Variants in MACROH2A2 observed in about 807,000 individuals in gnomAD.
The protein encoded by MACROH2A2 is core histone macro-H2A.2.
In MACROH2A2, 6 loss-of-function variants were observed where a neutral mutation model predicts 37.6. The ratio of observed to expected loss-of-function variants is 0.16; its 90% confidence interval spans 0.09 to 0.32. The LOEUF is 0.32. Ranked by LOEUF, MACROH2A2 falls within the 10% of genes least tolerant of loss-of-function variation. The probability of loss-of-function intolerance (pLI) is 1.00; values close to 1 mark genes in which losing one functional copy is unlikely to be tolerated. For missense variants in MACROH2A2, 290 were observed against 485.9 expected, an observed-to-expected ratio of 0.60 and a Z score of 3.79; for synonymous variants, 192 against 202.7, an observed-to-expected ratio of 0.95 and a Z score of 0.45.
chr10:70,083,946 G>A (rs375603962), intron 2 of MACROH2A2, among the ~76,000 whole-genome samples: 8 of 151,784 alleles, frequency 5.3e-5, no homozygotes, highest in East Asian at 3.9e-4. Context: ...CTGCAGTAGC[G>A]TTTTGTATGT....
At position 70,107,101 on chromosome 10, in the gene MACROH2A2, G is replaced by A. The variant is rs187895734; in HGVS notation, c.779-1932G>A. Among the ~76,000 whole-genome samples the A allele has an allele frequency of 1.6e-4, 24 of 152,294 alleles. No individual in the cohort carries two copies. The highest frequency in any genetic ancestry group is 5.8e-4 in the African/African-American group (24 of 41,566). On this transcript the variant is annotated intron_variant, in intron 7 of 8. Transcript: ENST00000373255. This position sits in a 1 kb window ranked among gnomAD's most constrained non-coding sequence, Gnocchi z 4.4. The stretch of plus-strand genomic sequence containing the variant: ...CGTGGTCGTAGAGTCAGCACGCATG[G>A]CGGGCCCCTACCCAGGGCCTCGGTG...
At chr10:70,059,171 T>A (rs764821355) in intron 1 of MACROH2A2, among the ~76,000 whole-genome samples, 1 of 151,554 alleles carries the variant, frequency 6.6e-6, no homozygotes, top group Admixed American at 6.6e-5. Context: ...TCAGAGGGAG[T>A]CTGTTTTGAG....
chr10:70,103,081 C>T (rs535581893), intron 7 of MACROH2A2, among the ~76,000 whole-genome samples: 106 of 152,288 alleles, frequency 7.0e-4, no homozygotes, highest in Non-Finnish European at 1.3e-3. Context: ...CCAAAGCTCT[C>T]GCCACCACCC....
At chr10:70,086,617 T>C (rs186657073) in intron 2 of MACROH2A2, among the ~76,000 whole-genome samples, 11 of 152,352 alleles carry the variant, frequency 7.2e-5, no homozygotes, top group African/African-American at 2.4e-4. Context: ...TGCTGACAGT[T>C]AATTTGATGA....
At chr10:70,084,722 C>T (rs1218061514) in intron 2 of MACROH2A2, among the ~76,000 whole-genome samples, 2 of 152,060 alleles carry the variant, frequency 1.3e-5, no homozygotes, top group African/African-American at 4.8e-5. Context: ...CTGCCTTAGC[C>T]CCCTAAGTAG....
Position 70,107,842 on chromosome 10 carries a change from GC to G in MACROH2A2, c.779-1187del, listed in dbSNP as rs1468084280. ...AGGTCCTAAAATCACATAAGCATAA[GC>G]CCCTGCACCAGACCTACTGAGTCAG... is the stretch of plus-strand genomic sequence containing the variant. On this transcript the variant is annotated intron_variant, in intron 7 of 8. Transcript: ENST00000373255. The surrounding 1 kb of genome is among the most constrained non-coding windows in gnomAD (Gnocchi z 4.4). 3.3e-5 allele frequency among the ~76,000 whole-genome samples: 5 copies of G among 152,076 alleles called. No individual in the cohort carries two copies. The highest frequency in any genetic ancestry group is 7.2e-5 in the African/African-American group (3 of 41,408).
chr10:70,090,080 G>A lies in MACROH2A2; in HGVS notation c.193G>A (p.Gly65Ser), dbSNP rs755780562. 1.9e-6 allele frequency: 3 copies of A among 1,613,318 alleles called. No individual in the cohort carries two copies. The highest frequency in any genetic ancestry group is 2.5e-6 in the Non-Finnish European group (3 of 1,179,260). ...YLAAEILELAGNAARDNKKAR... is the reference protein window; with the variant it reads ...YLAAEILELASNAARDNKKAR... ...TTCAGCGGAAATTCTAGAATTGGCC[G>A]GCAATGCCGCGAGGGACAACAAGAA... The change falls in exon 3 of 9, where the codon GGC (glycine) becomes AGC (serine). Residue 65 changes from glycine to serine, a missense_variant. Coordinates refer to ENST00000373255, the MANE Select transcript of MACROH2A2 (RefSeq NM_018649.3).
At chr10:70,087,700 C>T (rs1564544885) in intron 2 of MACROH2A2, among the ~76,000 whole-genome samples, 1 of 152,208 alleles carries the variant, frequency 6.6e-6, no homozygotes, top group Non-Finnish European at 1.5e-5. Flanking sequence ...ACTGTCCCGA[C>T]ACGCATGCTC....
chr10:70,056,679 G>A (rs187757978), intron 1 of MACROH2A2, among the ~76,000 whole-genome samples: 89 of 152,246 alleles, frequency 5.8e-4, no homozygotes, highest in African/African-American at 2.1e-3. Context: ...GTAAGGGAGC[G>A]AGGCAGGTGG....
In MACROH2A2 at chr10:70,109,237, T is replaced by G. The variant is rs776727479; in HGVS notation, c.953+30T>G. 12 of 1,587,812 alleles carry G rather than the reference T, an allele frequency of 7.6e-6. No individual in the cohort carries two copies. In the South Asian group the frequency reaches 1.1e-4, roughly 15 times the overall value. On this transcript the variant is annotated intron_variant, in intron 8 of 8. Transcript: ENST00000373255. Reference sequence around the variant, plus strand: ...GATGCAGTTCCCCTGAGTTGATTCCTCCGGCTTTTTCCCTGGAAATCAGCT... The same window carrying G: ...GATGCAGTTCCCCTGAGTTGATTCCGCCGGCTTTTTCCCTGGAAATCAGCT...
chr10:70,072,957 A>AAAC (rs371177662), intron 1 of MACROH2A2, among the ~76,000 whole-genome samples: 1,802 of 152,098 alleles, frequency 0.012, 25 homozygotes, highest in African/African-American at 0.04. Flanking sequence ...ACTCCTTCCC[A>AAAC]AACAACAACA....
Position 70,075,486 on chromosome 10 carries a change from C to A in MACROH2A2, c.-59-114C>A. Reference sequence around the variant, plus strand: ...TGCACCTGCAGTAGCAGCCAGATTTCAGCTGCCTCCCCAGGGCAGTCAGAG... The same window carrying A: ...TGCACCTGCAGTAGCAGCCAGATTTAAGCTGCCTCCCCAGGGCAGTCAGAG... On this transcript the variant is annotated intron_variant, in intron 1 of 8. Coordinates refer to ENST00000373255, the MANE Select transcript of MACROH2A2 (RefSeq NM_018649.3). This position sits in a 1 kb window ranked among gnomAD's most constrained non-coding sequence, Gnocchi z 5.0. The A allele has an allele frequency of 1.6e-6, 1 of 627,250 alleles. No homozygotes were observed. The highest frequency in any genetic ancestry group is 2.8e-6 in the Non-Finnish European group (1 of 357,030). The allele number at this position is 627,250 out of a possible 1,614,324, so 38.9% of individuals were successfully genotyped here. A position where few individuals can be genotyped will look rare whatever the true frequency, so the allele number is the denominator to read the frequency against.
Position 70,090,071 on chromosome 10 carries a change from G to T in MACROH2A2, c.184G>T (p.Glu62Ter). The change falls in exon 3 of 9, where the codon GAA becomes TAA. Residue 62 changes from glutamate (E) to a stop codon, truncating the protein, a stop_gained. Coordinates refer to ENST00000373255, the MANE Select transcript of MACROH2A2 (RefSeq NM_018649.3). LOFTEE classifies it high-confidence loss of function. ...VIEYLAAEIL[E>*]LAGNAARDNK... ...CCTTGTGATTTCAGCGGAAATTCTAGAATTGGCCGGCAATGCCGCGAGGGA... is the reference window on the plus strand; with the variant it reads ...CCTTGTGATTTCAGCGGAAATTCTATAATTGGCCGGCAATGCCGCGAGGGA... 1 of 1,612,382 alleles carries T rather than the reference G, an allele frequency of 6.2e-7. No homozygotes were observed. The highest frequency in any genetic ancestry group is 8.5e-7 in the Non-Finnish European group (1 of 1,178,362).
rs11554214 is a variant in MACROH2A2 at position 70,112,209 on chromosome 10, G to T, written c.*526G>T. 0.059 allele frequency: 8,696 copies of T among 146,692 alleles called. 386 individuals carry two copies. Among genetic ancestry groups the T allele is most frequent in the East Asian group, 0.22 (1,098 of 4,974 alleles). 9.1% of individuals were successfully genotyped at this position (146,692 alleles called of 1,614,324 possible). A position where few individuals can be genotyped will look rare whatever the true frequency, so the allele number is the denominator to read the frequency against. On this transcript the variant is annotated 3_prime_UTR_variant, in exon 9 of 9. Transcript: ENST00000373255. Reference sequence around the variant, plus strand: ...AAGGTTTTGATTCAGGCTTTTTTTTGGTTTCATTTTGTTTTTTTAAGAAAA... The same window carrying T: ...AAGGTTTTGATTCAGGCTTTTTTTTTGTTTCATTTTGTTTTTTTAAGAAAA...
At chr10:70,105,919 C>G (rs1184938388) in intron 7 of MACROH2A2, among the ~76,000 whole-genome samples, 2 of 152,142 alleles carry the variant, frequency 1.3e-5, no homozygotes, top group African/African-American at 4.8e-5. Flanking sequence ...GTGCAGGTCC[C>G]TGTTGAAAGC....
At position 70,083,803 on chromosome 10, in the gene MACROH2A2, C is replaced by A. The variant is rs1027053864; in HGVS notation, c.173-6257C>A. 2.7e-5 allele frequency among the ~76,000 whole-genome samples: 4 copies of A among 148,948 alleles called. No individual in the cohort carries two copies. In the East Asian group the frequency reaches 7.8e-4, roughly 29 times the overall value. On this transcript the variant is annotated intron_variant, in intron 2 of 8. Coordinates refer to ENST00000373255, the MANE Select transcript of MACROH2A2 (RefSeq NM_018649.3). ...ATCTAGAATGCCCCATTGACCTGAA[C>A]AAGCTTGCCTCCCAGAACGGTTATC...
rs548380030 is a variant in MACROH2A2, at chr10:70,099,421, C to T, written c.689-787C>T. The T allele has an allele frequency of 2.6e-5, 4 of 152,290 alleles. 1 individual carries two copies. In the East Asian group the frequency reaches 7.7e-4, roughly 29 times the overall value. 9.4% of individuals were successfully genotyped at this position (152,290 alleles called of 1,614,324 possible). A position where few individuals can be genotyped will look rare whatever the true frequency, so the allele number is the denominator to read the frequency against. On this transcript the variant is annotated intron_variant, in intron 6 of 8. Coordinates refer to ENST00000373255, the MANE Select transcript of MACROH2A2 (RefSeq NM_018649.3). ...GATTGCTGAGACTTGCTGCAGACAT[C>T]CAGATCACCAAGTTCATTCGAAGAT... is the stretch of plus-strand genomic sequence containing the variant.
chr10:70,092,379 GCCATGATGGCA>G (rs1241604233), intron 4 of MACROH2A2, among the ~76,000 whole-genome samples: 2 of 152,152 alleles, frequency 1.3e-5, no homozygotes, highest in African/African-American at 4.8e-5. Flanking sequence ...GCTGCAGTGA[GCCATGATGGCA>G]CCACTGCACT....
chr10:70,074,586 A>G (rs1274888181), intron 1 of MACROH2A2, among the ~76,000 whole-genome samples: 45 of 152,176 alleles, frequency 3.0e-4, no homozygotes, highest in Admixed American at 2.9e-3. Context: ...CATAATTCCC[A>G]CATGTTGTGG....
Sources: gnomAD v4.1 joint callset for allele counts (sites outside exome capture counted in the v4.1 genomes callset) on GRCh38, gnomAD v4.1.1 for gene constraint, Gnocchi (gnomAD v3.1) non-coding constraint, MANE v1.5 for transcripts, NCBI Gene and HGNC (gene_info 2026-07-23, HGNC 2026-07-21) for gene names.